RNF157: variants seen among roughly 807,000 people sequenced by gnomAD.
RNF157 encodes E3 ubiquitin ligase RNF157.
In RNF157, 55 loss-of-function variants were observed where a neutral mutation model predicts 88.3. That is an observed-to-expected ratio of 0.62 (90% CI 0.50 to 0.78). The LOEUF (loss-of-function observed/expected upper bound fraction) is 0.78. Ranked by LOEUF, RNF157 falls within the 30% of genes least tolerant of loss-of-function variation. The pLI is 0.00. For synonymous variants in RNF157, 334 were observed against 341.2 expected, an observed-to-expected ratio of 0.98 and a Z score of 0.23; for missense variants, 788 against 860.8, an observed-to-expected ratio of 0.92 and a Z score of 1.06.
At chr17:76,150,313 T>C (rs1367640248) in intron 18 of RNF157, among the ~76,000 whole-genome samples, 3 of 152,104 alleles carry the variant, frequency 2.0e-5, no homozygotes, top group Admixed American at 6.5e-5. Flanking sequence ...AATCTCTAAA[T>C]AGCTGGCTCC....
intron 2 of RNF157, among the ~76,000 whole-genome samples, chr17:76,177,952 C>T (rs565798501): frequency 6.6e-6 from 1 of 152,296 alleles, no homozygotes; most frequent in Non-Finnish European, 1.5e-5. Flanking sequence ...TGTCAGGACA[C>T]CCTGGCTGCG....
At chr17:76,231,110 G>A (rs2070184508) in intron 1 of RNF157, among the ~76,000 whole-genome samples, 1 of 151,776 alleles carries the variant, frequency 6.6e-6, no homozygotes, top group Admixed American at 6.6e-5. Context: ...TGATTCTCCT[G>A]TCTCAGCCTC....
At chr17:76,231,034 G>A (rs917003087) in intron 1 of RNF157, among the ~76,000 whole-genome samples, 7 of 151,618 alleles carry the variant, frequency 4.6e-5, no homozygotes, top group Admixed American at 1.3e-4. Flanking sequence ...GACCTCCTGG[G>A]CTGAGGCGAT....
chr17:76,194,275 C>T (rs1363941511), intron 2 of RNF157, among the ~76,000 whole-genome samples: 1 of 152,190 alleles, frequency 6.6e-6, no homozygotes, highest in African/African-American at 2.4e-5. Context: ...TTTCTTATCT[C>T]TATCGTTTTG....
chr17:76,155,288 G>T lies in RNF157; in HGVS notation c.1728C>A (p.Asn576Lys), dbSNP rs757191759. ...EGLPAESPDS[N>K]FAGLPAGEQD... ...GCTCTCCAGCTGGGAGGCCAGCAAA[G>T]TTGCTGTCTGGAGACTCCGCTGGCA... The change falls in exon 16 of 19, where the codon AAC becomes AAA. Residue 576 changes from asparagine (N) to lysine (K), a missense_variant. Transcript: ENST00000269391. 1.2e-6 allele frequency: 2 copies of T among 1,614,242 alleles called. No homozygotes were observed. Among genetic ancestry groups the T allele is most frequent in the South Asian group, 1.1e-5 (1 of 91,092 alleles).
At chr17:76,214,131 G>T (rs886597177) in intron 1 of RNF157, among the ~76,000 whole-genome samples, 1 of 152,152 alleles carries the variant, frequency 6.6e-6, no homozygotes, top group Non-Finnish European at 1.5e-5. Context: ...CTTGCGATGG[G>T]CATCAGAAGT....
chr17:76,193,858 C>T (rs867179450), intron 2 of RNF157, among the ~76,000 whole-genome samples: 3 of 152,166 alleles, frequency 2.0e-5, no homozygotes, highest in African/African-American at 7.2e-5. Context: ...AGCGCCTGGC[C>T]GAGGGCTGCT....
chr17:76,223,371 A>G (rs1330208607), intron 1 of RNF157, among the ~76,000 whole-genome samples: 2 of 151,754 alleles, frequency 1.3e-5, no homozygotes, highest in African/African-American at 4.8e-5. Flanking sequence ...TATTTTTAGT[A>G]GAGACGGGGT....
At chr17:76,180,894 G>C (rs1015406404) in intron 2 of RNF157, among the ~76,000 whole-genome samples, 4 of 152,266 alleles carry the variant, frequency 2.6e-5, no homozygotes, top group Middle Eastern at 3.4e-3. Flanking sequence ...TTCTCGAAAG[G>C]AACAACATGC....
intron 1 of RNF157, chr17:76,226,824 G>A: frequency 2.6e-6 from 4 of 1,510,922 alleles, no homozygotes; most frequent in Non-Finnish European, 3.6e-6. Context: ...TGCTTTGCTG[G>A]AATCGAGTAA....
chr17:76,147,931 T>A (rs2068609905), intron 18 of RNF157, among the ~76,000 whole-genome samples: 1 of 152,214 alleles, frequency 6.6e-6, no homozygotes, highest in African/African-American at 2.4e-5. Context: ...TAGAGGTAGA[T>A]TTTGGGAGTA....
chr17:76,145,909 C>T (rs2068578405), intron 18 of RNF157, among the ~76,000 whole-genome samples: 1 of 152,116 alleles, frequency 6.6e-6, no homozygotes, highest in South Asian at 2.1e-4. Context: ...CGTCACCTGC[C>T]GTTTTCCTCT....
Position 76,144,738 on chromosome 17 carries a change from T to G in RNF157, c.*497A>C, listed in dbSNP as rs1217618568. ...TTGTCCTTGAGAAAGGTGCTCCTAG[T>G]GCTTGTAGAGGGAAACGCTACGTCC... is the stretch of plus-strand genomic sequence containing the variant. On this transcript the variant is annotated 3_prime_UTR_variant, in exon 19 of 19. Coordinates refer to ENST00000269391, the MANE Select transcript of RNF157 (RefSeq NM_052916.3). The G allele has an allele frequency of 6.5e-6, 1 of 152,730 alleles. No individual in the cohort carries two copies. Among genetic ancestry groups the G allele is most frequent in the East Asian group, 1.9e-4 (1 of 5,202 alleles). 9.5% of individuals were successfully genotyped at this position (152,730 alleles called of 1,614,324 possible).
Position 76,173,778 on chromosome 17 carries a change from C to A in RNF157, c.220G>T (p.Ala74Ser), listed in dbSNP as rs747917834. 3.7e-6 allele frequency: 6 copies of A among 1,608,830 alleles called. No individual in the cohort carries two copies. The highest frequency in any genetic ancestry group is 3.4e-5 in the Admixed American group (2 of 59,588). The stretch of plus-strand genomic sequence containing the variant: ...TTCACGGGTTCTTGGGGAGGTGGGG[C>A]GGCGTAAGGAAACTGTGTCAGAAAC... ...GNRPVVFPYA[A>S]PPPQEPVKTL... The change falls in exon 3 of 19, where the codon GCC (alanine) becomes TCC (serine). Residue 74 changes from alanine (A) to serine (S), a missense_variant. Transcript: ENST00000269391.
intron 2 of RNF157, among the ~76,000 whole-genome samples, chr17:76,189,789 G>C (rs1399716747): frequency 2.6e-5 from 4 of 151,984 alleles, no homozygotes; most frequent in African/African-American, 9.7e-5. Context: ...TCTGAGGTGA[G>C]GGTACTGCCC....
rs149200112 is a variant in RNF157 at position 76,178,010 on chromosome 17, A to G, written c.208-4220T>C. Among the ~76,000 whole-genome samples the G allele has an allele frequency of 1.8e-3, 269 of 152,350 alleles. 1 individual carries two copies. The highest frequency in any genetic ancestry group is 6.4e-3 in the African/African-American group (265 of 41,578). ...ATCCTCTGAGCTGTTCCAAGGCTCA[A>G]TAAGGCTCCTCTTCGTCTTGCTCAC... On this transcript the variant is annotated intron_variant, in intron 2 of 18. Transcript: ENST00000269391.
Position 76,173,759 on chromosome 17 carries a change from G to T in RNF157, c.239C>A (p.Pro80His), listed in dbSNP as rs2289602. 1.2e-6 allele frequency: 2 copies of T among 1,611,036 alleles called. No homozygotes were observed. The highest frequency in any genetic ancestry group is 4.5e-5 in the East Asian group (2 of 44,822). The change falls in exon 3 of 19, where the codon CCC becomes CAC. Residue 80 changes from proline (P) to histidine (H), a missense_variant. Coordinates refer to ENST00000269391, the MANE Select transcript of RNF157 (RefSeq NM_052916.3). ...GACCAGGCTTCTCAGAGTCTTCACG[G>T]GTTCTTGGGGAGGTGGGGCGGCGTA... ...FPYAAPPPQE[P>H]VKTLRSLVNI...
chr17:76,215,952 A>C (rs1036381312), intron 1 of RNF157, among the ~76,000 whole-genome samples: 2 of 152,228 alleles, frequency 1.3e-5, no homozygotes, highest in African/African-American at 4.8e-5. Flanking sequence ...TTCCAAGTGC[A>C]TAATTTATGG....
chr17:76,152,272 G>A, intron 18 of RNF157, 83 bp downstream of exon 18: 1 of 896,234 alleles, frequency 1.1e-6, no homozygotes, highest in Non-Finnish European at 1.9e-6. Flanking sequence ...CAGGGCAGGA[G>A]ATGGGTGTAC....
Sources: gnomAD v4.1 joint callset for allele counts (sites outside exome capture counted in the v4.1 genomes callset) on GRCh38, gnomAD v4.1.1 for gene constraint, MANE v1.5 for transcripts, NCBI Gene and HGNC (gene_info 2026-07-23, HGNC 2026-07-21) for gene names.